OR9Q1: variants seen among roughly 807,000 people sequenced by gnomAD.
OR9Q1 encodes the protein olfactory receptor family 9 subfamily Q member 1.
For synonymous variants in OR9Q1, 153 were observed against 148.6 expected, an observed-to-expected ratio of 1.03 and a Z score of -0.22; for missense variants, 374 against 378.8, an observed-to-expected ratio of 0.99 and a Z score of 0.11.
chr11:58,077,859 C>T (rs1049001502), intron 2 of OR9Q1: 1 of 152,100 alleles, frequency 6.6e-6, no homozygotes, highest in African/African-American at 2.4e-5. Flanking sequence ...CGTTCACCAT[C>T]AAAACCCAGC....
chr11:58,156,222 T>C (rs1854406447), intron 2 of OR9Q1, among the ~76,000 whole-genome samples: 2 of 152,206 alleles, frequency 1.3e-5, no homozygotes, highest in African/African-American at 4.8e-5. Flanking sequence ...CAGTGTTGCC[T>C]ATCTTTTGTG....
intron 1 of OR9Q1, among the ~76,000 whole-genome samples, chr11:58,033,263 CAAAGT>C (rs1284960092): frequency 1.3e-5 from 2 of 152,064 alleles, no homozygotes; most frequent in Middle Eastern, 6.3e-3. Context: ...GGTATATACT[CAAAGT>C]AAAATAATCG....
intron 2 of OR9Q1, chr11:58,117,667 C>T (rs1565080561): frequency 2.0e-5 from 3 of 152,162 alleles, no homozygotes; most frequent in Admixed American, 1.3e-4. Context: ...CTCTGATTTG[C>T]TCTTCCTGGA....
intron 2 of OR9Q1, among the ~76,000 whole-genome samples, chr11:58,136,961 T>C (rs1854195134): frequency 6.6e-6 from 1 of 152,196 alleles, no homozygotes; most frequent in Non-Finnish European, 1.5e-5. Flanking sequence ...TGCCTTTTTC[T>C]GTCATCCATA....
rs577592743 is a variant in OR9Q1, at chr11:58,123,594, G to A, written c.-14-55837G>A. On this transcript the variant is annotated intron_variant, in intron 2 of 2. Coordinates refer to ENST00000335397, the MANE Select transcript of OR9Q1 (RefSeq NM_001005212.4). ...TGGGTATAGCTATGACTATTTTATG[G>A]ATGAACAAAGCAGAGTTCAGAGAAG... Among the ~76,000 whole-genome samples the A allele has an allele frequency of 1.6e-4, 24 of 152,300 alleles. No individual in the cohort carries two copies. The East Asian group carries it at 3.5e-3, about 22-fold the overall frequency.
At chr11:58,128,550 CAA>C (rs1051157078) in intron 2 of OR9Q1, among the ~76,000 whole-genome samples, 3 of 152,038 alleles carry the variant, frequency 2.0e-5, no homozygotes, top group African/African-American at 7.2e-5. Flanking sequence ...TATATCAAAA[CAA>C]ATGTCAGATC....
chr11:58,122,962 GTTTTT>G (rs57528065), intron 2 of OR9Q1, among the ~76,000 whole-genome samples: 1 of 144,922 alleles, frequency 6.9e-6, no homozygotes, highest in Non-Finnish European at 1.5e-5. Flanking sequence ...GGTAAATTTT[GTTTTT>G]TTTTTCGGAT....
At chr11:58,115,725 C>G (rs914501731) in intron 2 of OR9Q1, among the ~76,000 whole-genome samples, 3 of 152,034 alleles carry the variant, frequency 2.0e-5, no homozygotes, top group South Asian at 4.2e-4. Context: ...CAATGGGGGT[C>G]TGCATATCTG....
chr11:58,155,195 T>G (rs943854379), intron 2 of OR9Q1, among the ~76,000 whole-genome samples: 1 of 151,896 alleles, frequency 6.6e-6, no homozygotes, highest in African/African-American at 2.4e-5. Flanking sequence ...GAGGAAGAAT[T>G]CATTATTTTT....
intron 2 of OR9Q1, among the ~76,000 whole-genome samples, chr11:58,163,237 T>C (rs1478340125): frequency 6.6e-6 from 1 of 152,228 alleles, no homozygotes; most frequent in Non-Finnish European, 1.5e-5. Flanking sequence ...TGATTACATA[T>C]ATGGCTTACC....
At chr11:58,165,857 T>C (rs1052110306) in intron 2 of OR9Q1, among the ~76,000 whole-genome samples, 1 of 152,220 alleles carries the variant, frequency 6.6e-6, no homozygotes, top group African/African-American at 2.4e-5. Flanking sequence ...ATCTGAGGAT[T>C]TGACATTTAC....
At chr11:58,152,926 C>A (rs1565091722) in intron 2 of OR9Q1, among the ~76,000 whole-genome samples, 1 of 152,222 alleles carries the variant, frequency 6.6e-6, no homozygotes, top group East Asian at 1.9e-4. Context: ...GGCAACATGT[C>A]TCCCTCTGGA....
At position 58,180,095 on chromosome 11, in the gene OR9Q1, C is replaced by T; in HGVS notation, c.651C>T (p.Ser217=). 6.2e-7 allele frequency: 1 copy of T among 1,614,092 alleles called. No homozygotes were observed. Among genetic ancestry groups the T allele is most frequent in the Non-Finnish European group, 8.5e-7 (1 of 1,180,012 alleles). The change falls in exon 3 of 3, where the codon TCC becomes TCT. Residue 217 remains serine (S), a synonymous_variant. Coordinates refer to ENST00000335397, the MANE Select transcript of OR9Q1 (RefSeq NM_001005212.4). ...IPASMVVILV[S]YLFIIVAIMG... is the part of the protein sequence containing the mutation. ...CTTCCATGGTGGTGATCTTGGTGTC[C>T]TACCTGTTTATCATCGTGGCCATCA...
In OR9Q1 at chr11:58,166,672, G is replaced by A. The variant is rs1854507966; in HGVS notation, c.-14-12759G>A. ...ATGGATTTGGGTTAATTTAGTCAAG[G>A]TGGAGCCCCATTTCCCACAATTTTA... On this transcript the variant is annotated intron_variant, in intron 2 of 2. Transcript: ENST00000335397. 2.6e-5 allele frequency among the ~76,000 whole-genome samples: 4 copies of A among 152,292 alleles called. No individual in the cohort carries two copies. In the South Asian group the frequency reaches 6.2e-4, roughly 24 times the overall value.
intron 2 of OR9Q1, among the ~76,000 whole-genome samples, chr11:58,141,908 C>T (rs1389652538): frequency 6.6e-6 from 1 of 152,182 alleles, no homozygotes; most frequent in Non-Finnish European, 1.5e-5. Context: ...AGAAGGCTAA[C>T]ACTTCTGAAC....
At chr11:58,141,761 T>A (rs893766157) in intron 2 of OR9Q1, among the ~76,000 whole-genome samples, 1 of 152,168 alleles carries the variant, frequency 6.6e-6, no homozygotes, top group Middle Eastern at 3.2e-3. Context: ...GAGTGTGAGT[T>A]TGGAACAAAC....
At chr11:58,044,262 T>G (rs951809105) in intron 1 of OR9Q1, 3 of 152,246 alleles carry the variant, frequency 2.0e-5, no homozygotes, top group Non-Finnish European at 4.4e-5. Context: ...ATCTGAAGTC[T>G]ACTCTGGCTG....
At chr11:58,156,037 C>T (rs1393789268) in intron 2 of OR9Q1, among the ~76,000 whole-genome samples, 6 of 151,724 alleles carry the variant, frequency 4.0e-5, no homozygotes, top group South Asian at 2.1e-4. Context: ...CTCAGCCTCC[C>T]GAGTAGCTGG....
intron 1 of OR9Q1, among the ~76,000 whole-genome samples, chr11:58,050,427 C>T (rs11512734): frequency 8.0e-6 from 1 of 124,582 alleles, no homozygotes; most frequent in East Asian, 2.4e-4. Flanking sequence ...CCCTTCCTTA[C>T]ACCTTATACA....
Sources: allele counts gnomAD v4.1 joint callset (sites outside exome capture counted in the v4.1 genomes callset), GRCh38; gene constraint gnomAD v4.1.1; transcripts MANE v1.5; gene names NCBI Gene and HGNC (gene_info 2026-07-23, HGNC 2026-07-21).